Variants in PSG2 observed in about 807,000 individuals in gnomAD.
PSG2 encodes the protein pregnancy-specific beta-1-glycoprotein 2.
Under a neutral mutation model 36.2 loss-of-function variants are expected in PSG2, and 49 were observed. That is an observed-to-expected ratio of 1.35 (90% confidence interval 1.08 to 1.72). The LOEUF is 1.72. Among genes scored for constraint, PSG2 ranks in the 40% most tolerant of loss-of-function variants. PSG2 has a pLI of 0.00. For synonymous variants in PSG2, 261 were observed against 155.6 expected (o/e 1.68, Z -5.04); for missense variants, 605 against 407.2 (o/e 1.49, Z -4.18).
chr19:43,071,631 G>T, intron 4 of PSG2, 69 bp downstream of exon 4: 1 of 1,612,252 alleles, frequency 6.2e-7, no homozygotes, highest in South Asian at 1.1e-5. Context: ...ATGTTTTCCT[G>T]ACTCTTCTCT....
In PSG2 at chr19:43,074,965, A is replaced by G. The variant is rs1467581041; in HGVS notation, c.709+389T>C. On this transcript the variant is annotated intron_variant, in intron 3 of 5. Transcript: ENST00000406487. ...GGCATCCAGGCCATCTGGAGCAAAG[A>G]GCATAAAGTCACAGGCACTATTGTC... Among the ~76,000 whole-genome samples, 4 of 151,618 alleles carry G rather than the reference A, an allele frequency of 2.6e-5. No individual in the cohort carries two copies. The East Asian group carries it at 7.7e-4, about 29-fold the overall frequency.
chr19:43,077,372 T>C (rs1967912067), intron 2 of PSG2, among the ~76,000 whole-genome samples: 2 of 151,946 alleles, frequency 1.3e-5, no homozygotes, highest in South Asian at 2.1e-4. Context: ...GTTATGTTAG[T>C]AAATATAGAA....
chr19:43,075,482 T>C lies in PSG2; in HGVS notation c.581A>G (p.Gln194Arg). The C allele has an allele frequency of 7.4e-6, 12 of 1,613,200 alleles. No homozygotes were observed. The highest frequency in any genetic ancestry group is 1.0e-5 in the Non-Finnish European group (12 of 1,179,692). Residue 194 changes from glutamine (Q) to arginine (R), a missense_variant, in exon 3 of 6, where the codon CAG becomes CGG. Transcript: ENST00000406487. Reference sequence around the variant, plus strand: ...GAGGGTCCTGTTGGTTTCGGACAGCTGAAACCTATGAGTCATAGGGAGGCT... The same window carrying C: ...GAGGGTCCTGTTGGTTTCGGACAGCCGAAACCTATGAGTCATAGGGAGGCT... ...GQSLPMTHRFQLSETNRTLFL... is the reference protein window; with the variant it reads ...GQSLPMTHRFRLSETNRTLFL...
chr19:43,071,112 G>C (rs886904837), intron 4 of PSG2, among the ~76,000 whole-genome samples: 14 of 151,388 alleles, frequency 9.2e-5, no homozygotes, highest in African/African-American at 2.7e-4. Context: ...TCAACTGGCA[G>C]CTCCATTTAG....
rs774918297 is a variant in PSG2 at position 43,081,064 on chromosome 19, C to A, written c.247G>T (p.Val83Leu). ...RDLYHYITSY[V>L]VDGQIIIYGP... ...TATATAATTATTTGACCGTCTACTA[C>A]ATATGATGTAATGTAATGGTAGAGG... is the stretch of plus-strand genomic sequence containing the variant. The change falls in exon 2 of 6, where the codon GTA becomes TTA. Residue 83 changes from valine (V) to leucine (L), a missense_variant. Val to Leu is a conservative substitution (Grantham distance 32, BLOSUM62 1). Transcript: ENST00000406487. The A allele has an allele frequency of 1.2e-6, 2 of 1,612,738 alleles. No homozygotes were observed. Among genetic ancestry groups the A allele is most frequent in the East Asian group, 4.5e-5 (2 of 44,856 alleles).
chr19:43,065,631 TATC>T (rs1263196586), intron 5 of PSG2: 2 of 151,704 alleles, frequency 1.3e-5, no homozygotes, highest in East Asian at 3.9e-4. Flanking sequence ...TCTATTTTGG[TATC>T]ATGATTATTT....
At chr19:43,070,481 A>C (rs576390866) in intron 4 of PSG2, among the ~76,000 whole-genome samples, 1 of 151,924 alleles carries the variant, frequency 6.6e-6, no homozygotes, top group Admixed American at 6.6e-5. Flanking sequence ...TAGGCAAATG[A>C]GGTGTGTCTA....
At chr19:43,076,107 G>T (rs1967892292) in intron 2 of PSG2, among the ~76,000 whole-genome samples, 1 of 151,666 alleles carries the variant, frequency 6.6e-6, no homozygotes, top group Non-Finnish European at 1.5e-5. Flanking sequence ...AAACCCTTTG[G>T]GTACTGGAAA....
chr19:43,082,164 G>C (rs62112401), intron 1 of PSG2: 2 of 86,938 alleles, frequency 2.3e-5, no homozygotes, highest in Admixed American at 1.8e-4. Flanking sequence ...TTTTTGAGAC[G>C]GAGTCTCGTA....
intron 1 of PSG2, chr19:43,081,916 G>A (rs28736639): frequency 0.045 from 6,832 of 152,808 alleles, 703 homozygotes; most frequent in African/African-American, 0.16. Context: ...TTTATTTGAA[G>A]TGTCATCTGA....
At chr19:43,077,396 T>G (rs1967912316) in intron 2 of PSG2, among the ~76,000 whole-genome samples, 1 of 151,806 alleles carries the variant, frequency 6.6e-6, no homozygotes, top group African/African-American at 2.4e-5. Context: ...ACTCCCTGCT[T>G]CTAATTTCTG....
At position 43,071,811 on chromosome 19, in the gene PSG2, T is replaced by G; in HGVS notation, c.853A>C (p.Asn285His). The G allele has an allele frequency of 6.2e-7, 1 of 1,613,030 alleles. No individual in the cohort carries two copies. Among genetic ancestry groups the G allele is most frequent in the East Asian group, 2.2e-5 (1 of 44,874 alleles). The change falls in exon 4 of 6, where the codon AAT (asparagine) becomes CAT (histidine). Residue 285 changes from asparagine to histidine, a missense_variant. By Grantham distance (68) the Asn-to-His change is moderately conservative. Coordinates refer to ENST00000406487, the MANE Select transcript of PSG2 (RefSeq NM_031246.4). ...GTAGTAATTTGGGGGATAAACAGATTTTGTCCTGATTGCTGAAACTTCCCA... is the reference window on the plus strand; with the variant it reads ...GTAGTAATTTGGGGGATAAACAGATGTTGTCCTGATTGCTGAAACTTCCCA... ...INGKFQQSGQNLFIPQITTKH... is the reference protein window; with the variant it reads ...INGKFQQSGQHLFIPQITTKH...
At chr19:43,078,997 A>G (rs1259240159) in intron 2 of PSG2, among the ~76,000 whole-genome samples, 1 of 151,722 alleles carries the variant, frequency 6.6e-6, no homozygotes, top group African/African-American at 2.4e-5. Flanking sequence ...TGGCAACTCC[A>G]GGTGATTTCT....
At chr19:43,064,840 A>G (rs189034791) in intron 5 of PSG2, among the ~76,000 whole-genome samples, 4 of 151,348 alleles carry the variant, frequency 2.6e-5, no homozygotes, top group African/African-American at 9.7e-5. Flanking sequence ...CATTAAAAAA[A>G]TTTTTTTTTC....
Position 43,065,082 on chromosome 19 carries a change from A to C in PSG2, c.*41-481T>G, listed in dbSNP as rs1027456279. Among the ~76,000 whole-genome samples the C allele has an allele frequency of 2.2e-4, 34 of 151,632 alleles. 2 individuals carry two copies. The highest frequency in any genetic ancestry group is 7.4e-5 in the Non-Finnish European group (5 of 67,964). On this transcript the variant is annotated intron_variant, in intron 5 of 5. Coordinates refer to ENST00000406487, the MANE Select transcript of PSG2 (RefSeq NM_031246.4). ...GATCTCCTGACCTCGTGATCTACCC[A>C]CCTCGGCCTCCCAAACTCCTGGGAT...
At chr19:43,076,288 A>C (rs1346505928) in intron 2 of PSG2, among the ~76,000 whole-genome samples, 1 of 151,784 alleles carries the variant, frequency 6.6e-6, no homozygotes, top group African/African-American at 2.4e-5. Context: ...GCAGAGTCCA[A>C]GGAATGACCT....
Position 43,081,100 on chromosome 19 carries a change from G to C in PSG2, c.211C>G (p.Gln71Glu). The change falls in exon 2 of 6, where the codon CAA (glutamine) becomes GAA (glutamate). Residue 71 changes from glutamine (Q) to glutamate (E), a missense_variant. Gln to Glu is a conservative substitution (Grantham distance 29). Coordinates refer to ENST00000406487, the MANE Select transcript of PSG2 (RefSeq NM_031246.4). The stretch of plus-strand genomic sequence containing the variant: ...ATGTAATGGTAGAGGTCCCTGATTT[G>C]CCCTTTGTACCAGATGTAGCCAGTA... ...NLTGYIWYKG[Q>E]IRDLYHYITS... is the part of the protein sequence containing the mutation. 6.2e-7 allele frequency: 1 copy of C among 1,612,808 alleles called. No individual in the cohort carries two copies. The highest frequency in any genetic ancestry group is 8.5e-7 in the Non-Finnish European group (1 of 1,179,662).
rs772581451 is a variant in PSG2 at position 43,082,516 on chromosome 19, G to T, written c.54C>A (p.Leu18=). Residue 18 remains leucine, a synonymous_variant, in exon 1 of 6, where the codon CTC becomes CTA. Coordinates refer to ENST00000406487, the MANE Select transcript of PSG2 (RefSeq NM_031246.4). ...AAGTTCTCTCCTCACCTGTGACCAG[G>T]AGCCCCTTCCATTTGATGTGCTCTG... The part of the protein sequence containing the change: ...PCTEHIKWKG[L]LVTASLLNFW... 2 of 1,611,672 alleles carry T rather than the reference G, an allele frequency of 1.2e-6. No homozygotes were observed. The highest frequency in any genetic ancestry group is 2.2e-5 in the East Asian group (1 of 44,846).
Position 43,066,498 on chromosome 19 carries a change from A to C in PSG2, c.*40+19T>G. ...AGTCAGCTCTGCAGGAACCAGGATA[A>C]GAGAAAAGGCCATCATACCTGCCAG... On this transcript the variant is annotated intron_variant, in intron 5 of 5. Coordinates refer to ENST00000406487, the MANE Select transcript of PSG2 (RefSeq NM_031246.4). The C allele has an allele frequency of 6.7e-7, 1 of 1,497,672 alleles. No homozygotes were observed. Among genetic ancestry groups the C allele is most frequent in the Non-Finnish European group, 9.3e-7 (1 of 1,075,548 alleles). The allele number at this position is 1,497,672 out of a possible 1,614,324, so 92.8% of individuals were successfully genotyped here. A position where few individuals can be genotyped will look rare whatever the true frequency, so the allele number is the denominator to read the frequency against.
Sources: gnomAD v4.1 joint callset for allele counts (sites outside exome capture counted in the v4.1 genomes callset) on GRCh38, gnomAD v4.1.1 for gene constraint, MANE v1.5 for transcripts, NCBI Gene and HGNC (gene_info 2026-07-23, HGNC 2026-07-21) for gene names.